The following ATXN1 variants were observed in gnomAD, a reference collection of about 807,000 sequenced individuals.
ATXN1 encodes the protein ataxin 1.
Under a neutral mutation model 56.4 loss-of-function variants are expected in ATXN1, and 8 were observed. The ratio of observed to expected loss-of-function variants is 0.14; its 90% CI spans 0.08 to 0.26. ATXN1 has a LOEUF of 0.26. Among genes scored for constraint, ATXN1 ranks in the 10% least tolerant of loss-of-function variants. ATXN1 has a pLI of 1.00. For missense variants in ATXN1, 987 were observed against 1,106.5 expected, an observed-to-expected ratio of 0.89 and a Z score of 1.53; for synonymous variants, 514 against 494.6, an observed-to-expected ratio of 1.04 and a Z score of -0.52.
intron 6 of ATXN1, among the ~76,000 whole-genome samples, chr6:16,472,908 T>C (rs1760247608): frequency 6.6e-6 from 1 of 152,168 alleles, no homozygotes; most frequent in African/African-American, 2.4e-5. Flanking sequence ...AACTCTTTGA[T>C]TGGAGAAAAG....
At chr6:16,759,564 T>C (rs988910329) in intron 1 of ATXN1, among the ~76,000 whole-genome samples, 11 of 136,076 alleles carry the variant, frequency 8.1e-5, no homozygotes, top group African/African-American at 3.0e-4. Context: ...TTTTTGCCCT[T>C]ACTACTCTTC....
chr6:16,736,661 C>T (rs936253788), intron 2 of ATXN1, among the ~76,000 whole-genome samples: 3 of 152,156 alleles, frequency 2.0e-5, no homozygotes, highest in East Asian at 1.9e-4. Flanking sequence ...TGTGTCTGCA[C>T]GTATATCGCA....
chr6:16,408,678 TTTA>T (rs1363481563), intron 6 of ATXN1, among the ~76,000 whole-genome samples: 1 of 152,218 alleles, frequency 6.6e-6, no homozygotes, highest in African/African-American at 2.4e-5. Flanking sequence ...ACATTTGACA[TTTA>T]TTTTCTCACA....
intron 5 of ATXN1, among the ~76,000 whole-genome samples, chr6:16,509,221 C>T (rs541271797): frequency 6.6e-6 from 1 of 152,288 alleles, no homozygotes; most frequent in African/African-American, 2.4e-5. Flanking sequence ...ATCTTGAACC[C>T]AGCTACCTCT....
At chr6:16,575,172 G>A (rs77254763) in intron 4 of ATXN1, among the ~76,000 whole-genome samples, 1,636 of 152,114 alleles carry the variant, frequency 0.011, 32 homozygotes, top group African/African-American at 0.038. Flanking sequence ...TTTTCTCCTT[G>A]TAATTACTAA....
intron 7 of ATXN1, among the ~76,000 whole-genome samples, chr6:16,321,869 G>C (rs1760661254): frequency 6.6e-6 from 1 of 152,140 alleles, no homozygotes. Context: ...TGCTGTTCTG[G>C]AAAGTATAAA....
At chr6:16,756,961 A>C (rs1760905199) in intron 1 of ATXN1, among the ~76,000 whole-genome samples, 1 of 152,256 alleles carries the variant, frequency 6.6e-6, no homozygotes, top group South Asian at 2.1e-4. Flanking sequence ...AAAACAATAA[A>C]GGCACAACAT....
intron 7 of ATXN1, among the ~76,000 whole-genome samples, chr6:16,324,689 G>A (rs190189898): frequency 6.6e-6 from 1 of 152,282 alleles, no homozygotes; most frequent in East Asian, 1.9e-4. Context: ...TGGACTCCCA[G>A]CAACTTGGGC....
At chr6:16,351,283 C>T (rs190746067) in intron 6 of ATXN1, among the ~76,000 whole-genome samples, 14 of 152,210 alleles carry the variant, frequency 9.2e-5, no homozygotes, top group African/African-American at 3.1e-4. Flanking sequence ...CAGAATTCTG[C>T]CAAGATTTTC....
intron 6 of ATXN1, among the ~76,000 whole-genome samples, chr6:16,381,903 C>T (rs191723049): frequency 3.1e-3 from 466 of 152,306 alleles, no homozygotes; most frequent in Admixed American, 7.2e-3. Flanking sequence ...GAGCCACTGA[C>T]GTTTCTATAC....
chr6:16,745,481 T>C (rs925021339), intron 2 of ATXN1, among the ~76,000 whole-genome samples: 1 of 152,178 alleles, frequency 6.6e-6, no homozygotes, highest in African/African-American at 2.4e-5. Flanking sequence ...GAAAAAAAGA[T>C]ATAAGTTACA....
chr6:16,653,793 G>C (rs1286726712), intron 3 of ATXN1, among the ~76,000 whole-genome samples: 2 of 152,158 alleles, frequency 1.3e-5, no homozygotes, highest in Non-Finnish European at 2.9e-5. Flanking sequence ...GAAAAAGCTT[G>C]GCAACTGAAG....
chr6:16,725,092 T>C (rs1003731443), intron 2 of ATXN1, among the ~76,000 whole-genome samples: 27 of 152,210 alleles, frequency 1.8e-4, no homozygotes, highest in African/African-American at 5.1e-4. Flanking sequence ...TTTATTAAGT[T>C]TTGAAGAATG....
At chr6:16,666,315 T>C (rs1472332114) in intron 2 of ATXN1, among the ~76,000 whole-genome samples, 1 of 152,226 alleles carries the variant, frequency 6.6e-6, no homozygotes, top group East Asian at 1.9e-4. Flanking sequence ...ATGACAGAAT[T>C]TCATTCTTTT....
intron 3 of ATXN1, among the ~76,000 whole-genome samples, chr6:16,656,834 G>A (rs528307819): frequency 1.6e-4 from 24 of 152,188 alleles, no homozygotes; most frequent in Admixed American, 1.2e-3. Flanking sequence ...TGCGCTATAC[G>A]GTATAGCTTA....
intron 3 of ATXN1, among the ~76,000 whole-genome samples, chr6:16,637,964 G>A (rs1029671620): frequency 6.6e-6 from 1 of 152,124 alleles, no homozygotes; most frequent in African/African-American, 2.4e-5. Flanking sequence ...CTAATTTGTG[G>A]GCTAGCAGAT....
At chr6:16,340,479 C>G (rs962933001) in intron 6 of ATXN1, among the ~76,000 whole-genome samples, 1 of 152,222 alleles carries the variant, frequency 6.6e-6, no homozygotes, top group Non-Finnish European at 1.5e-5. Flanking sequence ...GTCTGGACCC[C>G]TCTAGACCTC....
chr6:16,745,237 C>T (rs1372628737), intron 2 of ATXN1, among the ~76,000 whole-genome samples: 2 of 152,208 alleles, frequency 1.3e-5, no homozygotes, highest in African/African-American at 2.4e-5. Flanking sequence ...CTCCCTCTAA[C>T]TTAGTATTGA....
intron 6 of ATXN1, among the ~76,000 whole-genome samples, chr6:16,471,128 A>C (rs1392449152): frequency 6.6e-6 from 1 of 152,092 alleles, no homozygotes; most frequent in Non-Finnish European, 1.5e-5. Context: ...ACAAGTTTTC[A>C]TACAAGCTTT....
Sources: gnomAD v4.1 joint callset for allele counts (sites outside exome capture counted in the v4.1 genomes callset) on GRCh38, gnomAD v4.1.1 for gene constraint, MANE v1.5 for transcripts, NCBI Gene and HGNC (gene_info 2026-07-23, HGNC 2026-07-21) for gene names.